The following SDK1 variants were observed in gnomAD, a reference collection of about 807,000 sequenced individuals.
SDK1 encodes sidekick cell adhesion molecule 1.
Under a neutral mutation model 245.5 loss-of-function variants are expected in SDK1, and 157 were observed. The observed-to-expected ratio is 0.64, with a 90% CI of 0.56 to 0.73. The LOEUF (loss-of-function observed/expected upper bound fraction) is 0.73. Ranked by LOEUF, SDK1 falls within the 30% of genes least tolerant of loss-of-function variation. The pLI is 0.00. For synonymous variants in SDK1, 1,647 were observed against 1,278.5 expected, an observed-to-expected ratio of 1.29 and a Z score of -6.15; for missense variants, 3,583 against 3,002.3, an observed-to-expected ratio of 1.19 and a Z score of -4.52.
intron 4 of SDK1, among the ~76,000 whole-genome samples, chr7:3,798,052 A>G (rs541125451): frequency 1.3e-5 from 2 of 152,172 alleles, no homozygotes; most frequent in East Asian, 1.9e-4. Context: ...AGAAATTTTC[A>G]TTGGTACAGT....
At chr7:4,128,901 T>G in intron 26 of SDK1, among the ~76,000 whole-genome samples, 1 of 111,212 alleles carries the variant, frequency 9.0e-6, no homozygotes, top group Non-Finnish European at 1.9e-5. Context: ...CAGCTTGGGG[T>G]GGGGTCCCCT....
rs569576377 is a variant in SDK1, at chr7:4,116,909, G to A, written c.3823+2635G>A. ...AGCAGGGCTGGGCCCAGTGTCCCTCGGCTCTCCTTCAGACTGAAGCTTTCA... is the reference window on the plus strand; with the variant it reads ...AGCAGGGCTGGGCCCAGTGTCCCTCAGCTCTCCTTCAGACTGAAGCTTTCA... On this transcript the variant is annotated intron_variant, in intron 25 of 44. Coordinates refer to ENST00000404826, the MANE Select transcript of SDK1 (RefSeq NM_152744.4). Among the ~76,000 whole-genome samples, 54 of 152,294 alleles carry A rather than the reference G, an allele frequency of 3.5e-4. 1 individual carries two copies. The highest frequency in any genetic ancestry group is 1.2e-3 in the African/African-American group (50 of 41,556).
chr7:3,863,115 G>A (rs1222351825), intron 5 of SDK1, among the ~76,000 whole-genome samples: 1 of 152,162 alleles, frequency 6.6e-6, no homozygotes, highest in East Asian at 1.9e-4. Flanking sequence ...AGGACTGCTG[G>A]TGCAAACCCT....
chr7:3,418,145 GAAA>G lies in SDK1; in HGVS notation c.298+116282_298+116284del, dbSNP rs200914826. 8.4e-5 allele frequency among the ~76,000 whole-genome samples: 10 copies of G among 119,726 alleles called. 1 individual carries two copies. Among genetic ancestry groups the G allele is most frequent in the African/African-American group, 3.1e-4 (8 of 25,782 alleles). 78.5% of individuals were successfully genotyped at this position (119,726 alleles called of 152,430 possible). A position where few individuals can be genotyped will look rare whatever the true frequency, so the allele number is the denominator to read the frequency against. ...GTGAAACCCGATCTCTACTAAAAAT[GAAA>G]AAAAAAAAAAAAAAAAAAAATAGCT... is the stretch of plus-strand genomic sequence containing the variant. On this transcript the variant is annotated intron_variant, in intron 1 of 44. Coordinates refer to ENST00000404826, the MANE Select transcript of SDK1 (RefSeq NM_152744.4).
chr7:3,429,760 CT>C (rs1237597039), intron 1 of SDK1, among the ~76,000 whole-genome samples: 622 of 142,998 alleles, frequency 4.3e-3, no homozygotes, highest in African/African-American at 8.4e-3. Context: ...CCATGTCTGG[CT>C]TTTTTTTTTT....
At chr7:3,338,488 T>C (rs905730759) in intron 1 of SDK1, 21 of 492,146 alleles carry the variant, frequency 4.3e-5, no homozygotes, top group Admixed American at 7.0e-5. Context: ...CAAAGAGAAA[T>C]GTACCAGGGT....
intron 1 of SDK1, among the ~76,000 whole-genome samples, chr7:3,591,719 G>A (rs1487051297): frequency 6.6e-6 from 1 of 152,212 alleles, no homozygotes; most frequent in Non-Finnish European, 1.5e-5. Context: ...CTTTGCACTC[G>A]TGTGGGGCAT....
chr7:3,687,421 C>T (rs1784319239), intron 4 of SDK1, among the ~76,000 whole-genome samples: 1 of 152,206 alleles, frequency 6.6e-6, no homozygotes, highest in African/African-American at 2.4e-5. Flanking sequence ...GCCACCCCGC[C>T]CAGCCCCATA....
chr7:3,374,889 AT>A (rs1256934311), intron 1 of SDK1, among the ~76,000 whole-genome samples: 1 of 152,186 alleles, frequency 6.6e-6, no homozygotes, highest in Non-Finnish European at 1.5e-5. Context: ...GTAATCATGT[AT>A]TTTATGCAGT....
At chr7:3,776,557 G>A (rs1017786621) in intron 4 of SDK1, among the ~76,000 whole-genome samples, 2 of 152,174 alleles carry the variant, frequency 1.3e-5, no homozygotes, top group Non-Finnish European at 2.9e-5. Flanking sequence ...GTTGTGAGGC[G>A]TAAATGAAGA....
chr7:3,998,785 C>G (rs544280850), intron 14 of SDK1, among the ~76,000 whole-genome samples: 1 of 152,328 alleles, frequency 6.6e-6, no homozygotes, highest in African/African-American at 2.4e-5. Flanking sequence ...CCGCATCGCT[C>G]GCTGTCTTCC....
At chr7:3,379,408 A>T (rs1472390290) in intron 1 of SDK1, among the ~76,000 whole-genome samples, 1 of 152,156 alleles carries the variant, frequency 6.6e-6, no homozygotes, top group Non-Finnish European at 1.5e-5. Flanking sequence ...AGCACGTGTG[A>T]CAATTGACCT....
At chr7:3,772,113 A>G (rs1306747540) in intron 4 of SDK1, among the ~76,000 whole-genome samples, 4 of 152,172 alleles carry the variant, frequency 2.6e-5, no homozygotes, top group Non-Finnish European at 5.9e-5. Context: ...TGGCTGACTG[A>G]TAAAGAGGGA....
intron 5 of SDK1, among the ~76,000 whole-genome samples, chr7:3,941,178 C>G (rs1482115919): frequency 6.6e-6 from 1 of 152,134 alleles, no homozygotes; most frequent in Non-Finnish European, 1.5e-5. Flanking sequence ...CCTCTCTCCT[C>G]TCCCTTTGTC....
chr7:3,537,876 C>T (rs1056650656), intron 1 of SDK1, among the ~76,000 whole-genome samples: 7 of 152,188 alleles, frequency 4.6e-5, no homozygotes, highest in Non-Finnish European at 1.0e-4. Context: ...TCCAGGTAAT[C>T]TCCCTGTTTT....
At chr7:3,311,230 T>C (rs901550046) in intron 1 of SDK1, among the ~76,000 whole-genome samples, 2 of 152,110 alleles carry the variant, frequency 1.3e-5, no homozygotes, top group African/African-American at 2.4e-5. Context: ...GGAATGGTTA[T>C]GATAATATAG....
chr7:3,464,567 C>A (rs1487785409), intron 1 of SDK1, among the ~76,000 whole-genome samples: 1 of 152,210 alleles, frequency 6.6e-6, no homozygotes, highest in African/African-American at 2.4e-5. Context: ...GCCTTTCATT[C>A]TGTCAGTGGC....
chr7:3,986,197 AC>A (rs1408352014), intron 13 of SDK1, among the ~76,000 whole-genome samples: 1 of 115,454 alleles, frequency 8.7e-6, no homozygotes. Flanking sequence ...CCCAGTAAAA[AC>A]TTTTTTTTTT....
Position 3,396,491 on chromosome 7 carries a change from C to G in SDK1, c.298+94607C>G, listed in dbSNP as rs775262352. ...CATTATTGAAAATTGAAATGTTCAACTATTGTTTCTCTTTAATTTTGTCAG... is the reference window on the plus strand; with the variant it reads ...CATTATTGAAAATTGAAATGTTCAAGTATTGTTTCTCTTTAATTTTGTCAG... On this transcript the variant is annotated intron_variant, in intron 1 of 44. Transcript: ENST00000404826. Among the ~76,000 whole-genome samples the G allele has an allele frequency of 2.0e-5, 3 of 151,854 alleles. No homozygotes were observed. In the South Asian group the frequency reaches 6.2e-4, roughly 32 times the overall value.
Sources: gnomAD v4.1 joint callset for allele counts (sites outside exome capture counted in the v4.1 genomes callset) on GRCh38, gnomAD v4.1.1 for gene constraint, MANE v1.5 for transcripts, NCBI Gene and HGNC (gene_info 2026-07-23, HGNC 2026-07-21) for gene names.